The following TMSB15B variants were observed in gnomAD, a reference collection of about 807,000 sequenced individuals.
TMSB15B encodes the protein thymosin beta-15B.
At chrX:103,950,509 T>C (rs2075036487) in intron 1 of TMSB15B, among the ~76,000 whole-genome samples, 1 of 110,472 alleles carries the variant, frequency 9.1e-6, no homozygotes, top group Non-Finnish European at 1.9e-5. Context: ...AAGCCTTATA[T>C]TGTGTATAGA....
intron 1 of TMSB15B, among the ~76,000 whole-genome samples, chrX:103,919,789 T>A (rs2074946351): frequency 2.7e-5 from 3 of 112,540 alleles, no homozygotes; most frequent in Admixed American, 1.9e-4. Flanking sequence ...ACAGAGAGGT[T>A]AAGCGTCTTG....
intron 1 of TMSB15B, among the ~76,000 whole-genome samples, chrX:103,935,274 T>TC (rs1222381560): frequency 8.9e-6 from 1 of 112,302 alleles, no homozygotes; most frequent in East Asian, 2.8e-4. Context: ...GTCAAAAATT[T>TC]CCCCCCATTC....
At chrX:103,955,042 T>C (rs868983371) in intron 1 of TMSB15B, among the ~76,000 whole-genome samples, 1 of 111,121 alleles carries the variant, frequency 9.0e-6, no homozygotes, top group African/African-American at 3.3e-5. Flanking sequence ...GAGCTGAACA[T>C]TGGCCCCCTA....
intron 1 of TMSB15B, among the ~76,000 whole-genome samples, chrX:103,938,828 A>C: frequency 9.0e-6 from 1 of 111,359 alleles, no homozygotes; most frequent in Non-Finnish European, 1.9e-5. Flanking sequence ...TTCCTTCAGG[A>C]GGTGTTGTAA....
chrX:103,927,812 A>G (rs1371105961), intron 1 of TMSB15B, among the ~76,000 whole-genome samples: 12 of 110,813 alleles, frequency 1.1e-4, no homozygotes, highest in African/African-American at 2.3e-4. Flanking sequence ...TTCTTTGAAT[A>G]TTGGAATATT....
intron 1 of TMSB15B, among the ~76,000 whole-genome samples, chrX:103,955,053 G>C (rs1353451714): frequency 9.0e-6 from 1 of 111,219 alleles, no homozygotes; most frequent in Non-Finnish European, 1.9e-5. Context: ...TGGCCCCCTA[G>C]TATCTTCCAG....
intron 1 of TMSB15B, chrX:103,929,098 C>T (rs782112686): frequency 1.3e-6 from 1 of 787,973 alleles, no homozygotes; most frequent in African/African-American, 2.1e-5. Context: ...TTCTTTGGCT[C>T]GGTTGCCTAA....
rs1205727817 is a variant in TMSB15B at position 103,928,433 on chromosome X, C to A, written c.-721+9141C>A. ...TTTCTCTCTCCTGTTGGGCCACACA[C>A]CCTGGGACGCCACTGGGCTGCAGGG... On this transcript the variant is annotated intron_variant, in intron 1 of 3. Transcript: ENST00000419165. 5 of 1,203,731 alleles carry A rather than the reference C, an allele frequency of 4.2e-6. No homozygotes were observed. In the Admixed American group the frequency reaches 6.6e-5, roughly 16 times the overall value.
intron 1 of TMSB15B, among the ~76,000 whole-genome samples, chrX:103,943,925 C>A (rs1157532606): frequency 8.9e-6 from 1 of 112,123 alleles, no homozygotes; most frequent in Non-Finnish European, 1.9e-5. Flanking sequence ...TGGTACTTAT[C>A]AACCTTGATG....
intron 1 of TMSB15B, chrX:103,928,305 G>T (rs2074974871): frequency 8.3e-7 from 1 of 1,204,180 alleles, no homozygotes. Context: ...AGACACTTTG[G>T]CACGAAGGTC....
chrX:103,938,195 T>C (rs1556322580), intron 1 of TMSB15B, among the ~76,000 whole-genome samples: 3 of 111,820 alleles, frequency 2.7e-5, no homozygotes, highest in African/African-American at 9.8e-5. Context: ...GGTCCAGAAC[T>C]GAGTTCAAGT....
chrX:103,946,980 A>G (rs2075027319), intron 1 of TMSB15B, among the ~76,000 whole-genome samples: 1 of 111,138 alleles, frequency 9.0e-6, no homozygotes, highest in Non-Finnish European at 1.9e-5. Context: ...AGTTGGCTCT[A>G]TCTACTGAAG....
chrX:103,947,311 A>G (rs782454297), intron 1 of TMSB15B, among the ~76,000 whole-genome samples: 5 of 111,675 alleles, frequency 4.5e-5, no homozygotes, highest in African/African-American at 1.6e-4. Context: ...AAAGCAGAAA[A>G]GAGGCAAAAC....
intron 1 of TMSB15B, among the ~76,000 whole-genome samples, chrX:103,933,426 G>A (rs189733961): frequency 8.1e-5 from 9 of 110,979 alleles, no homozygotes; most frequent in African/African-American, 2.6e-4. Flanking sequence ...CATTTTTAAA[G>A]CTATCACCCA....
chrX:103,952,514 G>A (rs1394900378), intron 1 of TMSB15B, among the ~76,000 whole-genome samples: 2 of 111,034 alleles, frequency 1.8e-5, no homozygotes, highest in Non-Finnish European at 3.8e-5. Context: ...GAGTCCTAAG[G>A]GAAGGGGGCA....
intron 1 of TMSB15B, among the ~76,000 whole-genome samples, chrX:103,921,584 T>C (rs1357820221): frequency 8.9e-6 from 1 of 112,162 alleles, no homozygotes; most frequent in Non-Finnish European, 1.9e-5. Context: ...CTGGCTCCAA[T>C]TGGATACAGG....
At chrX:103,921,393 A>G (rs1234830542) in intron 1 of TMSB15B, among the ~76,000 whole-genome samples, 1 of 112,299 alleles carries the variant, frequency 8.9e-6, no homozygotes, top group Non-Finnish European at 1.9e-5. Flanking sequence ...AATTGGCTTT[A>G]TCACCAAATT....
At chrX:103,934,024 G>A (rs1283151537) in intron 1 of TMSB15B, among the ~76,000 whole-genome samples, 1 of 111,083 alleles carries the variant, frequency 9.0e-6, no homozygotes, top group African/African-American at 3.3e-5. Context: ...TAGCTATTTT[G>A]AAATACACAA....
chrX:103,928,609 C>T lies in TMSB15B; in HGVS notation c.-721+9317C>T, dbSNP rs1361997647. On this transcript the variant is annotated intron_variant, in intron 1 of 3. Transcript: ENST00000419165. ...TTATGGGCTTTGGGGGCGGCTGTCACGGGGCTACTACCATGGTTTCTGGCC... is the reference window on the plus strand; with the variant it reads ...TTATGGGCTTTGGGGGCGGCTGTCATGGGGCTACTACCATGGTTTCTGGCC... 1.2e-5 allele frequency: 14 copies of T among 1,165,758 alleles called. 1 individual carries two copies. The South Asian group carries it at 1.4e-4, about 12-fold the overall frequency.
Sources: allele counts gnomAD v4.1 joint callset (sites outside exome capture counted in the v4.1 genomes callset), GRCh38; gene constraint gnomAD v4.1.1; transcripts MANE v1.5; gene names NCBI Gene and HGNC (gene_info 2026-07-23, HGNC 2026-07-21).